TRPA1: variants seen among roughly 807,000 people sequenced by gnomAD.
The protein encoded by TRPA1 is ankyrin-like with transmembrane domains 1.
In TRPA1, 129 loss-of-function variants were observed where a neutral mutation model predicts 131.3. That is an observed-to-expected ratio of 0.98 (90% CI 0.85 to 1.14). The LOEUF (loss-of-function observed/expected upper bound fraction) is 1.14, where lower values mean the gene tolerates loss of function less well. TRPA1 is among the 50% of genes most tolerant of loss of function. The pLI is 0.00. For missense variants in TRPA1, 1,304 were observed against 1,354.2 expected, an observed-to-expected ratio of 0.96 and a Z score of 0.58; for synonymous variants, 441 against 451.7, an observed-to-expected ratio of 0.98 and a Z score of 0.30.
At chr8:72,065,082 A>G (rs1367423718) in intron 4 of TRPA1, among the ~76,000 whole-genome samples, 2 of 152,188 alleles carry the variant, frequency 1.3e-5, no homozygotes, top group African/African-American at 4.8e-5. Flanking sequence ...CTTTCCTTTG[A>G]CTATTCAGAA....
At chr8:72,088,119 T>G in the TRPA1 span, among the ~76,000 whole-genome samples, 841 of 152,354 alleles carry the variant, frequency 5.5e-3, 8 homozygotes, top group Middle Eastern at 0.01. Context: ...AATTAATAAC[T>G]TGTCTGATGA....
chr8:72,047,051 T>A (rs1039321111), intron 16 of TRPA1, 97 bp downstream of exon 16: 20 of 908,560 alleles, frequency 2.2e-5, no homozygotes, highest in Non-Finnish European at 1.7e-6. Context: ...CAATACCATC[T>A]GCAGTAGATT....
the TRPA1 span, among the ~76,000 whole-genome samples, chr8:72,085,797 A>T: frequency 1.3e-5 from 2 of 152,006 alleles, no homozygotes; most frequent in East Asian, 3.9e-4. Flanking sequence ...TGACTTAAAA[A>T]TTTTCCTGTT....
intron 1 of TRPA1, among the ~76,000 whole-genome samples, chr8:72,073,633 A>G (rs1806112705): frequency 6.6e-6 from 1 of 152,260 alleles, no homozygotes; most frequent in African/African-American, 2.4e-5. Context: ...CTTAAAAAAC[A>G]TAAGTTGCTC....
chr8:72,033,693 T>C lies in TRPA1; in HGVS notation c.2819A>G (p.Gln940Arg). Residue 940 changes from glutamine to arginine, a missense_variant, in exon 23 of 27, where the codon CAA becomes CGA. Transcript: ENST00000262209. ...GACAAATATTGTGAAGGAAACAAGT[T>C]GTGCAAAGGACAGAACTGGATGTGC... ...ELAHPVLSFA[Q>R]LVSFTIFVPI... The C allele has an allele frequency of 6.2e-7, 1 of 1,614,100 alleles. No individual in the cohort carries two copies. The highest frequency in any genetic ancestry group is 8.5e-7 in the Non-Finnish European group (1 of 1,179,992).
In TRPA1 at chr8:72,046,528, C is replaced by G. The variant is rs145960717; in HGVS notation, c.2046G>C (p.Pro682=). ...TTGAACTTACGTTGAGGGCTGTAAG[C>G]GGTTCATATATAACATCCTGTGTAG... ...KTPTQDVIYE[P]LTALNAMVQN... The change falls in exon 17 of 27, where the codon CCG becomes CCC. Residue 682 remains proline (P), a synonymous_variant. Coordinates refer to ENST00000262209, the MANE Select transcript of TRPA1 (RefSeq NM_007332.3). 6.3e-7 allele frequency: 1 copy of G among 1,584,298 alleles called. No individual in the cohort carries two copies. The highest frequency in any genetic ancestry group is 8.6e-7 in the Non-Finnish European group (1 of 1,158,862).
chr8:72,031,919 T>A (rs13252489), intron 23 of TRPA1, among the ~76,000 whole-genome samples: 34,124 of 152,132 alleles, frequency 0.22, 4,138 homozygotes, highest in Middle Eastern at 0.42. Flanking sequence ...CCAATAGAGT[T>A]AGTTAATTGG....
At chr8:72,055,386 A>C in intron 12 of TRPA1, 50 bp downstream of exon 12, 1 of 1,496,938 alleles carries the variant, frequency 6.7e-7, no homozygotes, top group Non-Finnish European at 9.3e-7. Context: ...GATAGCCTGA[A>C]AATGGCTAAT....
intron 4 of TRPA1, among the ~76,000 whole-genome samples, chr8:72,063,822 C>A (rs1003732615): frequency 6.6e-6 from 1 of 152,086 alleles, no homozygotes; most frequent in Non-Finnish European, 1.5e-5. Context: ...GATACCACAG[C>A]AATAAAGTCA....
At chr8:72,081,155 T>C in the TRPA1 span, among the ~76,000 whole-genome samples, 118 of 151,994 alleles carry the variant, frequency 7.8e-4, no homozygotes, top group East Asian at 9.6e-4. Context: ...ATATAATTGT[T>C]TAAAGATACA....
Position 72,071,843 on chromosome 8 carries a change from C to T in TRPA1, c.136G>A (p.Gly46Arg). 6.2e-7 allele frequency: 1 copy of T among 1,612,046 alleles called. No homozygotes were observed. Among genetic ancestry groups the T allele is most frequent in the Non-Finnish European group, 8.5e-7 (1 of 1,179,764 alleles). ...LKVVFEGSAY[G>R]LQNFNKQKKL... Reference sequence around the variant, plus strand: ...TTTTGCTTATTAAAGTTTTGTAATCCATATGCACTTCCTTCAAAAACCACC... The same window carrying T: ...TTTTGCTTATTAAAGTTTTGTAATCTATATGCACTTCCTTCAAAAACCACC... The change falls in exon 2 of 27, where the codon GGA becomes AGA. Residue 46 changes from glycine (G) to arginine (R), a missense_variant. Coordinates refer to ENST00000262209, the MANE Select transcript of TRPA1 (RefSeq NM_007332.3).
intron 5 of TRPA1, 25 bp from the exon 6 acceptor site, chr8:72,062,969 A>G: frequency 6.3e-7 from 1 of 1,598,414 alleles, no homozygotes; most frequent in Non-Finnish European, 8.5e-7. Context: ...AACATTCAAC[A>G]TAACAAATAT....
In TRPA1 at chr8:72,036,333, A is replaced by G. The variant is rs1812050064; in HGVS notation, c.2510T>C (p.Ile837Thr). The G allele has an allele frequency of 1.2e-6, 2 of 1,614,052 alleles. No homozygotes were observed. The highest frequency in any genetic ancestry group is 8.5e-7 in the Non-Finnish European group (1 of 1,180,030). ...ATTCATCCAATAGAAGTAAACAGCA[A>G]TTGCTCCACATTGCCACTGCAGATG... ...PAHLQWQCGA[I>T]AVYFYWMNFL... The change falls in exon 21 of 27, where the codon ATT becomes ACT. Residue 837 changes from isoleucine to threonine, a missense_variant. Physicochemically the swap from Ile to Thr is moderately conservative, Grantham distance 89. Transcript: ENST00000262209.
rs1806085494 is a variant in TRPA1 at position 72,072,450 on chromosome 8, A to G, written c.112-583T>C. The stretch of plus-strand genomic sequence containing the variant: ...CTTTAGTTTTTGCTTTTGTTATTAC[A>G]GAATAGTACCTAACAAGTCACTCTT... On this transcript the variant is annotated intron_variant, in intron 1 of 26. Coordinates refer to ENST00000262209, the MANE Select transcript of TRPA1 (RefSeq NM_007332.3). Among the ~76,000 whole-genome samples the G allele has an allele frequency of 2.0e-5, 3 of 152,214 alleles. No individual in the cohort carries two copies. The South Asian group carries it at 6.2e-4, about 31-fold the overall frequency.
the TRPA1 span, among the ~76,000 whole-genome samples, chr8:72,088,964 A>T: frequency 2.7e-4 from 41 of 152,196 alleles, no homozygotes; most frequent in African/African-American, 4.3e-4. Context: ...GTGAGATATT[A>T]AAAAAGCTAA....
chr8:72,044,406 A>G lies in TRPA1; in HGVS notation c.2061+2107T>C, dbSNP rs74786484. On this transcript the variant is annotated intron_variant, in intron 17 of 26. Transcript: ENST00000262209. ...CACCATACTAGAAACACACACAGATACTTGTTTTCAATGTGCTTTCATTAA... is the reference window on the plus strand; with the variant it reads ...CACCATACTAGAAACACACACAGATGCTTGTTTTCAATGTGCTTTCATTAA... Among the ~76,000 whole-genome samples, 183 of 152,142 alleles carry G rather than the reference A, an allele frequency of 1.2e-3. 1 individual carries two copies. The East Asian group carries it at 0.02, about 17-fold the overall frequency.
intron 23 of TRPA1, among the ~76,000 whole-genome samples, chr8:72,032,453 A>G (rs1811862114): frequency 6.6e-6 from 1 of 152,236 alleles, no homozygotes; most frequent in South Asian, 2.1e-4. Context: ...AATAGAGACT[A>G]TCTGCCAATG....
At chr8:72,084,101 T>G in the TRPA1 span, among the ~76,000 whole-genome samples, 1 of 152,202 alleles carries the variant, frequency 6.6e-6, no homozygotes, top group Non-Finnish European at 1.5e-5. Flanking sequence ...ATCTGGAATT[T>G]CATTAGGCTA....
At chr8:72,029,591 T>C (rs959558888) in intron 24 of TRPA1, 15 of 458,392 alleles carry the variant, frequency 3.3e-5, no homozygotes, top group Non-Finnish European at 5.2e-5. Flanking sequence ...GACTCATGAT[T>C]TTTGACTTTA....
Sources: gnomAD v4.1 joint callset for allele counts (sites outside exome capture counted in the v4.1 genomes callset) on GRCh38, gnomAD v4.1.1 for gene constraint, MANE v1.5 for transcripts, NCBI Gene and HGNC (gene_info 2026-07-23, HGNC 2026-07-21) for gene names.